The following DMD variants were observed in gnomAD, a reference collection of about 807,000 sequenced individuals.
DMD encodes dystrophin.
DMD carries 63 observed loss-of-function variants against 330.1 expected under a neutral mutation model. That is an observed-to-expected ratio of 0.19 (90% confidence interval 0.16 to 0.24). The LOEUF (loss-of-function observed/expected upper bound fraction) is 0.24, where lower values mean the gene tolerates loss of function less well. DMD is among the 10% of genes least tolerant of loss of function. The pLI is 1.00. For missense variants in DMD, 3,344 were observed against 2,684.1 expected, an observed-to-expected ratio of 1.25 and a Z score of -5.43; for synonymous variants, 1,223 against 959.8, an observed-to-expected ratio of 1.27 and a Z score of -5.07.
At chrX:32,589,233 T>C (rs969711211) in intron 13 of DMD, among the ~76,000 whole-genome samples, 7 of 111,501 alleles carry the variant, frequency 6.3e-5, no homozygotes, top group African/African-American at 2.3e-4. Context: ...TCTGAGAAAA[T>C]CCTGCTAAGA....
At chrX:31,186,026 A>G (rs2041742010) in intron 67 of DMD, among the ~76,000 whole-genome samples, 1 of 112,006 alleles carries the variant, frequency 8.9e-6, no homozygotes, top group Non-Finnish European at 1.9e-5. Context: ...GTTTCCTAAT[A>G]AAGGACATAT....
rs181859021 is a variant in DMD, at chrX:31,144,483, G to A, written c.10921+1808C>T. The stretch of plus-strand genomic sequence containing the variant: ...TGATATCCAACTTTTGAATTTTCCC[G>A]ACTGTGATCTCCAAATTTTTCGCCA... On this transcript the variant is annotated intron_variant, in intron 76 of 78. Coordinates refer to ENST00000357033, the MANE Select transcript of DMD (RefSeq NM_004006.3). Among the ~76,000 whole-genome samples the A allele has an allele frequency of 1.3e-4, 14 of 111,752 alleles. No individual in the cohort carries two copies. In the East Asian group the frequency reaches 3.6e-3, roughly 29 times the overall value.
At chrX:32,623,058 G>C (rs1252977615) in intron 11 of DMD, among the ~76,000 whole-genome samples, 3 of 112,128 alleles carry the variant, frequency 2.7e-5, no homozygotes, top group Non-Finnish European at 3.8e-5. Context: ...AAGTATCAAA[G>C]GGTATCAGAC....
intron 34 of DMD, among the ~76,000 whole-genome samples, chrX:32,373,661 AAAG>A (rs1336934122): frequency 1.8e-5 from 2 of 111,883 alleles, no homozygotes; most frequent in Non-Finnish European, 1.9e-5. Context: ...GGGCTGTACA[AAAG>A]AAGGTGGCTG....
At chrX:32,665,669 A>G (rs1289073365) in intron 9 of DMD, among the ~76,000 whole-genome samples, 1 of 112,046 alleles carries the variant, frequency 8.9e-6, no homozygotes, top group African/African-American at 3.2e-5. Context: ...ATGTGCTCTC[A>G]TAAGAACACG....
chrX:33,265,038 G>T (rs928518791), intron 1 of DMD, among the ~76,000 whole-genome samples: 2 of 111,281 alleles, frequency 1.8e-5, no homozygotes, highest in African/African-American at 6.5e-5. Flanking sequence ...ATGATGCTTG[G>T]TGAGAACAAT....
rs751777648 is a variant in DMD, at chrX:31,222,122, G to A, written c.9361+925C>T. On this transcript the variant is annotated intron_variant, in intron 64 of 78. Coordinates refer to ENST00000357033, the MANE Select transcript of DMD (RefSeq NM_004006.3). ...GAGCCAGGAGAATGGCGTGAACCCG[G>A]GAGGTGGAGTCTGCAGTGAGCCTAG... 9.0e-5 allele frequency among the ~76,000 whole-genome samples: 10 copies of A among 110,967 alleles called. No individual in the cohort carries two copies. In the South Asian group the frequency reaches 3.4e-3, roughly 38 times the overall value.
At chrX:32,316,709 A>G (rs773668231) in intron 41 of DMD, among the ~76,000 whole-genome samples, 24 of 111,601 alleles carry the variant, frequency 2.2e-4, no homozygotes, top group Non-Finnish European at 4.3e-4. Context: ...TCTGATATAT[A>G]CAATAATGTT....
chrX:31,889,558 C>T (rs930825527), intron 47 of DMD, among the ~76,000 whole-genome samples: 1 of 109,405 alleles, frequency 9.1e-6, no homozygotes, highest in African/African-American at 3.3e-5. Flanking sequence ...TGGTCACATA[C>T]TGTTTAAACC....
At position 32,342,253 on chromosome X, in the gene DMD, TTTC is replaced by T. The variant is rs2097747579; in HGVS notation, c.5766_5768del (p.Lys1923del). ...GCCTACGCACTGCATTCAGCTCCTC[TTTC>T]TTCTTCTGCAATTCCCGATCAATTT... On this transcript the variant is annotated inframe_deletion, in exon 41 of 79. Transcript: ENST00000357033. 3.3e-6 allele frequency: 4 copies of T among 1,211,609 alleles called. No homozygotes were observed. Among genetic ancestry groups the T allele is most frequent in the African/African-American group, 1.7e-5 (1 of 57,791 alleles).
intron 9 of DMD, among the ~76,000 whole-genome samples, chrX:32,663,265 T>A (rs2061066649): frequency 9.0e-6 from 1 of 111,395 alleles, no homozygotes; most frequent in African/African-American, 3.3e-5. Context: ...TCATTAGAGG[T>A]GATATATCCT....
chrX:33,170,540 A>G (rs1328597302), intron 1 of DMD, among the ~76,000 whole-genome samples: 1 of 111,513 alleles, frequency 9.0e-6, no homozygotes, highest in African/African-American at 3.2e-5. Flanking sequence ...CATTACAAAT[A>G]ATGAGAAATG....
chrX:32,860,460 G>A (rs1361572312), intron 2 of DMD, among the ~76,000 whole-genome samples: 3 of 111,515 alleles, frequency 2.7e-5, no homozygotes, highest in African/African-American at 9.8e-5. Flanking sequence ...CAAAAATATC[G>A]CAAATACCAC....
rs192550025 is a variant in DMD at position 33,092,571 on chromosome X, G to A, written c.32-72371C>T. 1.4e-3 allele frequency among the ~76,000 whole-genome samples: 155 copies of A among 110,758 alleles called. 1 individual carries two copies. The highest frequency in any genetic ancestry group is 5.0e-3 in the African/African-American group (152 of 30,488). On this transcript the variant is annotated intron_variant, in intron 1 of 78. Coordinates refer to ENST00000357033, the MANE Select transcript of DMD (RefSeq NM_004006.3). ...TTTCCGTTTTCTTTGGCTTCTAGGG[G>A]TCCCAGAATAACATACGAATCAATT...
At chrX:31,913,734 A>AAAAACAAAAC (rs61632991) in intron 47 of DMD, among the ~76,000 whole-genome samples, 63 of 107,802 alleles carry the variant, frequency 5.8e-4, no homozygotes, top group African/African-American at 1.2e-3. Context: ...AAACAAAAAC[A>AAAAACAAAAC]AAAACAAAAC....
intron 54 of DMD, among the ~76,000 whole-genome samples, chrX:31,629,352 G>A (rs776938315): frequency 2.2e-4 from 24 of 111,603 alleles, no homozygotes; most frequent in Admixed American, 1.6e-3. Flanking sequence ...CATGGGTGAG[G>A]TTTTTGCTGA....
intron 62 of DMD, among the ~76,000 whole-genome samples, chrX:31,302,488 C>A (rs1443749959): frequency 9.0e-6 from 1 of 110,550 alleles, no homozygotes; most frequent in Non-Finnish European, 1.9e-5. Flanking sequence ...CAGTATAGAG[C>A]TGGAAACTAT....
At chrX:31,182,501 C>T (rs1331725735) in intron 68 of DMD, among the ~76,000 whole-genome samples, 1 of 111,219 alleles carries the variant, frequency 9.0e-6, no homozygotes, top group African/African-American at 3.3e-5. Context: ...AATGTGGCTC[C>T]GAAGAGCTGA....
intron 9 of DMD, among the ~76,000 whole-genome samples, chrX:32,664,621 G>A (rs748190389): frequency 3.6e-5 from 4 of 111,963 alleles, no homozygotes; most frequent in African/African-American, 1.3e-4. Context: ...TGTTCATTTG[G>A]GGCAACTGGA....
Sources: gnomAD v4.1 joint callset for allele counts (sites outside exome capture counted in the v4.1 genomes callset) on GRCh38, gnomAD v4.1.1 for gene constraint, MANE v1.5 for transcripts, NCBI Gene and HGNC (gene_info 2026-07-23, HGNC 2026-07-21) for gene names.